USH2A: variants seen among roughly 807,000 people sequenced by gnomAD.
USH2A encodes usherin, also known as Usher syndrome 2A (autosomal recessive, mild).
A neutral mutation model predicts 538.9 loss-of-function variants in USH2A; 443 were observed. The observed-to-expected ratio is 0.82, with a 90% CI of 0.76 to 0.89. USH2A has a LOEUF of 0.89. USH2A is among the 40% of genes least tolerant of loss of function. The pLI is 0.00. For synonymous variants in USH2A, 2,413 were observed against 2,273.5 expected (o/e 1.06, Z -1.75); for missense variants, 6,633 against 6,324.8 (o/e 1.05, Z -1.65).
At chr1:216,089,864 C>T (rs1190872245) in intron 22 of USH2A, among the ~76,000 whole-genome samples, 1 of 151,588 alleles carries the variant, frequency 6.6e-6, no homozygotes, top group Non-Finnish European at 1.5e-5. Context: ...CCTGCCATCT[C>T]ACTACTTTCG....
intron 21 of USH2A, among the ~76,000 whole-genome samples, chr1:216,138,070 A>T (rs1215235165): frequency 5.3e-5 from 8 of 152,312 alleles, no homozygotes; most frequent in African/African-American, 1.9e-4. Flanking sequence ...ACAATTTCTT[A>T]TGAGATATGG....
intron 44 of USH2A, among the ~76,000 whole-genome samples, chr1:215,853,251 C>A (rs1664068014): frequency 6.6e-6 from 1 of 152,196 alleles, no homozygotes; most frequent in South Asian, 2.1e-4. Context: ...GGGGGTTGCA[C>A]CCTCTGAAGC....
intron 41 of USH2A, among the ~76,000 whole-genome samples, chr1:215,880,651 G>A (rs1294277693): frequency 6.6e-6 from 1 of 152,062 alleles, no homozygotes; most frequent in Non-Finnish European, 1.5e-5. Context: ...AATGAGTCAA[G>A]GTCAAACTCA....
intron 21 of USH2A, among the ~76,000 whole-genome samples, chr1:216,100,546 C>T (rs573414904): frequency 6.6e-6 from 1 of 152,148 alleles, no homozygotes; most frequent in South Asian, 2.1e-4. Context: ...AAACCTATTC[C>T]TATAAAATTA....
intron 21 of USH2A, chr1:216,174,843 T>G: frequency 1.9e-6 from 2 of 1,035,342 alleles, no homozygotes; most frequent in Non-Finnish European, 2.3e-6. Context: ...AATAGCTTTC[T>G]TACAATGCTT....
At chr1:216,210,854 A>T (rs1288239423) in intron 15 of USH2A, among the ~76,000 whole-genome samples, 2 of 152,010 alleles carry the variant, frequency 1.3e-5, no homozygotes, top group Non-Finnish European at 2.9e-5. Context: ...GGTGGCACAC[A>T]CCTGTAATCC....
At chr1:216,069,942 T>A (rs1437510755) in intron 30 of USH2A, among the ~76,000 whole-genome samples, 159 bp downstream of exon 30, 2 of 152,190 alleles carry the variant, frequency 1.3e-5, no homozygotes, top group African/African-American at 4.8e-5. Flanking sequence ...CCTAGGTAGA[T>A]GCAGGCTTCC....
intron 3 of USH2A, among the ~76,000 whole-genome samples, chr1:216,385,658 C>G (rs181041262): frequency 1.8e-4 from 27 of 152,290 alleles, no homozygotes; most frequent in African/African-American, 5.5e-4. Context: ...TAATAAGATC[C>G]CTTCTTTGCT....
At chr1:216,134,709 G>GA (rs1485310087) in intron 21 of USH2A, among the ~76,000 whole-genome samples, 1 of 152,024 alleles carries the variant, frequency 6.6e-6, no homozygotes. Context: ...ATTTAGGGCA[G>GA]AAAAAAGTCA....
chr1:215,888,914 G>A lies in USH2A; in HGVS notation c.7735C>T (p.Pro2579Ser), dbSNP rs775641533. ...YLHGRLYLRT[P>S]GNVTNCTVMH... is the part of the protein sequence containing the mutation. ...ACTGTGCAATTAGTGACATTTCCAG[G>A]AGTTCTCAAGTATAGACGGCCATGT... The change falls in exon 41 of 72, where the codon CCT becomes TCT. Residue 2579 changes from proline (P) to serine (S), a missense_variant. Transcript: ENST00000307340. 1 of 1,614,158 alleles carries A rather than the reference G, an allele frequency of 6.2e-7. No individual in the cohort carries two copies. Among genetic ancestry groups the A allele is most frequent in the Non-Finnish European group, 8.5e-7 (1 of 1,180,000 alleles).
intron 14 of USH2A, among the ~76,000 whole-genome samples, chr1:216,220,565 A>T (rs2035437071): frequency 6.6e-6 from 1 of 151,444 alleles, no homozygotes; most frequent in African/African-American, 2.4e-5. Flanking sequence ...ATGAGTAGAA[A>T]TAAGCCAGGG....
At chr1:216,245,833 G>A (rs1416079030) in intron 13 of USH2A, among the ~76,000 whole-genome samples, 1 of 152,054 alleles carries the variant, frequency 6.6e-6, no homozygotes, top group Non-Finnish European at 1.5e-5. Context: ...CTTTTGAGTT[G>A]GTATCATGCT....
chr1:216,003,122 G>A (rs1346171724), intron 32 of USH2A, among the ~76,000 whole-genome samples: 2 of 152,092 alleles, frequency 1.3e-5, no homozygotes, highest in East Asian at 3.9e-4. Flanking sequence ...TGGGACTGGG[G>A]CAGGGGGCGG....
intron 3 of USH2A, among the ~76,000 whole-genome samples, chr1:216,417,848 G>C (rs1414477213): frequency 2.0e-5 from 3 of 152,150 alleles, no homozygotes; most frequent in East Asian, 3.9e-4. Context: ...CACCTGGTTT[G>C]AAAGGCAGGT....
chr1:215,970,144 T>C (rs1249494947), intron 36 of USH2A, among the ~76,000 whole-genome samples: 2 of 152,220 alleles, frequency 1.3e-5, no homozygotes, highest in African/African-American at 4.8e-5. Context: ...ACCATTCTTA[T>C]GAAGCTGTAT....
At position 215,813,829 on chromosome 1, in the gene USH2A, G is replaced by T. The variant is rs368240096; in HGVS notation, c.9646C>A (p.Leu3216Met). ...CCACAACAAACTCCAGTAGAATTCA[G>T]AACAAACGGGATATACTTTTCTTCA... ...CCEEKYIPFV[L>M]NSTGVCCGGR... Residue 3216 changes from leucine (L) to methionine (M), a missense_variant, in exon 49 of 72, where the codon CTG (leucine) becomes ATG (methionine). Transcript: ENST00000307340. 6.8e-6 allele frequency: 11 copies of T among 1,613,800 alleles called. No individual in the cohort carries two copies. The South Asian group carries it at 1.1e-4, about 16-fold the overall frequency.
chr1:215,624,440 C>G lies in USH2A; in HGVS notation c.*1341G>C, dbSNP rs1435023260. On this transcript the variant is annotated 3_prime_UTR_variant, in exon 72 of 72. Transcript: ENST00000307340. Reference sequence around the variant, plus strand: ...TTTTGCCTGTCTCTGGTTGTAGATTCACAAAAAGTATTGTGACTATTGTGT... The same window carrying G: ...TTTTGCCTGTCTCTGGTTGTAGATTGACAAAAAGTATTGTGACTATTGTGT... 1.3e-5 allele frequency: 2 copies of G among 152,084 alleles called. No individual in the cohort carries two copies. The highest frequency in any genetic ancestry group is 2.9e-5 in the Non-Finnish European group (2 of 68,022). The allele number at this position is 152,084 out of a possible 1,614,324, so 9.4% of individuals were successfully genotyped here.
At chr1:216,052,264 C>A (rs2030812050) in intron 30 of USH2A, among the ~76,000 whole-genome samples, 1 of 151,294 alleles carries the variant, frequency 6.6e-6, no homozygotes, top group Non-Finnish European at 1.5e-5. Context: ...ACTAGATCAT[C>A]TTTCAAGCCA....
At chr1:215,928,135 G>T (rs1220018775) in intron 38 of USH2A, among the ~76,000 whole-genome samples, 1 of 151,964 alleles carries the variant, frequency 6.6e-6, no homozygotes, top group African/African-American at 2.4e-5. Context: ...ACAGTTCAAA[G>T]TTACAAGCAG....
Sources: gnomAD v4.1 joint callset for allele counts (sites outside exome capture counted in the v4.1 genomes callset) on GRCh38, gnomAD v4.1.1 for gene constraint, MANE v1.5 for transcripts, NCBI Gene and HGNC (gene_info 2026-07-23, HGNC 2026-07-21) for gene names.